The following C3orf52 variants were observed in gnomAD, a reference collection of about 807,000 sequenced individuals.
C3orf52 encodes TPA-induced transmembrane protein.
In C3orf52, 22 loss-of-function variants were observed where a neutral mutation model predicts 24.8. The observed-to-expected ratio is 0.89, with a 90% CI of 0.63 to 1.27. C3orf52 has a LOEUF of 1.27. Among genes scored for constraint, C3orf52 ranks in the 50% most tolerant of loss-of-function variants. C3orf52 has a pLI of 0.00. For synonymous variants in C3orf52, 93 were observed against 100.2 expected, an observed-to-expected ratio of 0.93 and a Z score of 0.43; for missense variants, 265 against 260.7, an observed-to-expected ratio of 1.02 and a Z score of -0.11.
rs199579112 is a variant in C3orf52 at position 112,105,570 on chromosome 3, G to GTGTGTGTGTT, written c.396+2606_396+2607insGTGTGTGTTT. 1.9e-3 allele frequency among the ~76,000 whole-genome samples: 257 copies of GTGTGTGTGTT among 134,036 alleles called. 1 individual carries two copies. Among genetic ancestry groups the GTGTGTGTGTT allele is most frequent in the African/African-American group, 6.7e-3 (251 of 37,256 alleles). 87.9% of individuals were successfully genotyped at this position (134,036 alleles called of 152,430 possible). On this transcript the variant is annotated intron_variant, in intron 3 of 5. Transcript: ENST00000264848. ...TGTGTGTGTGTGTGTGTGTGTGTGT[G>GTGTGTGTGTT]TTTTCCACACCAACCAATTATCTGC...
rs1397989617 is a variant in C3orf52 at position 112,086,395 on chromosome 3, T to C, written c.-13T>C. The C allele has an allele frequency of 6.5e-7, 1 of 1,533,638 alleles. No homozygotes were observed. Among genetic ancestry groups the C allele is most frequent in the South Asian group, 1.2e-5 (1 of 82,706 alleles). ...GCCTCCCGCGGAGCCGCTCAGACTT[T>C]CCCTGCCGGCACATGGACCTGGCCC... On this transcript the variant is annotated 5_prime_UTR_variant, in exon 1 of 6. Transcript: ENST00000264848.
At chr3:112,123,266 A>G (rs773257985) in intron 4 of C3orf52, 57 of 1,042,618 alleles carry the variant, frequency 5.5e-5, no homozygotes, top group Non-Finnish European at 7.1e-5. Flanking sequence ...TTCAGGATAA[A>G]TGGTTGATCT....
intron 2 of C3orf52, among the ~76,000 whole-genome samples, chr3:112,099,767 T>G (rs1559971718): frequency 6.6e-6 from 1 of 152,254 alleles, no homozygotes. Flanking sequence ...TTTTGATTTC[T>G]TCTTTCTCAT....
intron 4 of C3orf52, among the ~76,000 whole-genome samples, chr3:112,125,911 C>A (rs2074307447): frequency 6.6e-6 from 1 of 152,224 alleles, no homozygotes. Flanking sequence ...AAGAGGCAAA[C>A]TGACACCCTT....
chr3:112,119,920 A>G (rs1469145690), downstream of C3orf52, among the ~76,000 whole-genome samples: 1 of 152,206 alleles, frequency 6.6e-6, no homozygotes, highest in Non-Finnish European at 1.5e-5. Context: ...AGCCTAGCCC[A>G]CAGGGCAACC....
intron 1 of C3orf52, among the ~76,000 whole-genome samples, chr3:112,088,344 A>G (rs900429326): frequency 1.3e-5 from 2 of 152,238 alleles, no homozygotes; most frequent in African/African-American, 4.8e-5. Context: ...ACACTTAAGA[A>G]TTTTGTGTGT....
At position 112,116,987 on chromosome 3, in the gene C3orf52, T is replaced by A. The variant is rs1385257413; in HGVS notation, c.*341T>A. Reference sequence around the variant, plus strand: ...TTTGTTTTTTGAGACAGGGTCTCGTTCTGTCGCTTAGCTGGAGTGCGGTGG... The same window carrying A: ...TTTGTTTTTTGAGACAGGGTCTCGTACTGTCGCTTAGCTGGAGTGCGGTGG... On this transcript the variant is annotated 3_prime_UTR_variant, in exon 6 of 6. Transcript: ENST00000264848. 6.8e-7 allele frequency: 1 copy of A among 1,463,608 alleles called. No homozygotes were observed. The highest frequency in any genetic ancestry group is 1.4e-5 in the African/African-American group (1 of 71,628). The allele number at this position is 1,463,608 out of a possible 1,614,324, so 90.7% of individuals were successfully genotyped here.
At chr3:112,130,559 G>A (rs778367142), downstream of C3orf52, 4 of 1,516,162 alleles carry the variant, frequency 2.6e-6, no homozygotes, top group Admixed American at 1.7e-5. Flanking sequence ...TCCTAAACAG[G>A]CCTGTCACTT....
At chr3:112,091,273 A>G (rs2073875014) in intron 1 of C3orf52, among the ~76,000 whole-genome samples, 1 of 152,238 alleles carries the variant, frequency 6.6e-6, no homozygotes, top group South Asian at 2.1e-4. Context: ...GGAATATAAG[A>G]ACAGGGCAGT....
downstream of C3orf52, among the ~76,000 whole-genome samples, chr3:112,120,243 A>G (rs1469650513): frequency 6.6e-6 from 1 of 152,236 alleles, no homozygotes; most frequent in African/African-American, 2.4e-5. Flanking sequence ...TTGGAAAAGA[A>G]CAGAGATAAG....
At chr3:112,115,891 C>T (rs1364578212) in intron 5 of C3orf52, among the ~76,000 whole-genome samples, 1 of 152,142 alleles carries the variant, frequency 6.6e-6, no homozygotes. Flanking sequence ...TCATCCCTCA[C>T]CCTTCCCTAT....
intron 4 of C3orf52, among the ~76,000 whole-genome samples, chr3:112,111,122 T>C (rs933603115): frequency 1.3e-5 from 2 of 152,136 alleles, no homozygotes; most frequent in African/African-American, 4.8e-5. Flanking sequence ...AGCGGGAGAA[T>C]TGTGTGAACC....
At chr3:112,099,475 G>A (rs1242371328) in intron 2 of C3orf52, among the ~76,000 whole-genome samples, 1 of 152,122 alleles carries the variant, frequency 6.6e-6, no homozygotes, top group African/African-American at 2.4e-5. Flanking sequence ...CTCTGGGCCT[G>A]TTTTCCCATT....
At chr3:112,116,299 G>T (rs943286941) in intron 5 of C3orf52, among the ~76,000 whole-genome samples, 2 of 152,052 alleles carry the variant, frequency 1.3e-5, no homozygotes, top group Non-Finnish European at 2.9e-5. Flanking sequence ...TATTTTACAC[G>T]TTTTAAAAAC....
At chr3:112,132,500 C>G (rs2107818080), downstream of C3orf52, 1 of 235,770 alleles carries the variant, frequency 4.2e-6, no homozygotes, top group East Asian at 1.8e-4. Context: ...TTATGTCAGG[C>G]ACTATGCTAG....
chr3:112,126,176 C>G (rs2074312692), intron 4 of C3orf52, among the ~76,000 whole-genome samples: 1 of 152,126 alleles, frequency 6.6e-6, no homozygotes, highest in Non-Finnish European at 1.5e-5. Flanking sequence ...ATTGAGGTTC[C>G]CTGGGACCCA....
chr3:112,125,089 G>C (rs2074285410), intron 4 of C3orf52: 1 of 685,146 alleles, frequency 1.5e-6, no homozygotes, highest in Admixed American at 2.3e-5. Context: ...TGCCACCCGA[G>C]TTCACAAGCA....
rs540229085 is a variant in C3orf52, at chr3:112,126,532, C to G, written c.*47-1701C>G. 2.4e-4 allele frequency among the ~76,000 whole-genome samples: 37 copies of G among 152,308 alleles called. No homozygotes were observed. In the South Asian group the frequency reaches 7.7e-3, roughly 32 times the overall value. On this transcript the variant is annotated intron_variant, in intron 4 of 4. Coordinates refer to the C3orf52 transcript ENST00000480282. ...TCCTTGCTGCAATTTGTTTTCTGCA[C>G]AGGAACCTGGGTGATATCTTTAATA...
At chr3:112,112,101 C>T (rs1438611680) in intron 4 of C3orf52, 1 of 152,256 alleles carries the variant, frequency 6.6e-6, no homozygotes. Flanking sequence ...TGGCCTCCTG[C>T]TCATTATTTT....
Sources: gnomAD v4.1 joint callset for allele counts (sites outside exome capture counted in the v4.1 genomes callset) on GRCh38, gnomAD v4.1.1 for gene constraint, MANE v1.5 for transcripts, NCBI Gene and HGNC (gene_info 2026-07-23, HGNC 2026-07-21) for gene names.